Variants in C16orf74 observed in about 807,000 individuals in gnomAD.
The protein encoded by C16orf74 is calcimembrin.
Under a neutral mutation model 6.5 loss-of-function variants are expected in C16orf74, and 10 were observed. The ratio of observed to expected loss-of-function variants is 1.54; its 90% CI spans 0.95 to 2.61. The LOEUF (loss-of-function observed/expected upper bound fraction) is 2.61. Ranked by LOEUF, C16orf74 falls within the 30% of genes most tolerant of loss-of-function variation. The pLI is 0.00. For synonymous variants in C16orf74, 60 were observed against 42.5 expected, an observed-to-expected ratio of 1.41 and a Z score of -1.60; for missense variants, 141 against 105.9, an observed-to-expected ratio of 1.33 and a Z score of -1.45.
intron 2 of C16orf74, among the ~76,000 whole-genome samples, chr16:85,716,624 AGAG>A (rs146085962): frequency 2.1e-5 from 3 of 143,384 alleles, no homozygotes; most frequent in East Asian, 4.4e-4. Flanking sequence ...GAAGAGGAAG[AGAG>A]GAGGAGGAGG....
At chr16:85,744,242 A>AG (rs2054344553) in intron 1 of C16orf74, 1 of 149,630 alleles carries the variant, frequency 6.7e-6, no homozygotes, top group South Asian at 2.1e-4. Flanking sequence ...AAAAAAAAAA[A>AG]AAAAAGAAAA....
At chr16:85,745,096 C>A (rs2054358234) in intron 1 of C16orf74, among the ~76,000 whole-genome samples, 1 of 137,290 alleles carries the variant, frequency 7.3e-6, no homozygotes, top group South Asian at 2.3e-4. Context: ...AGCTGAGATT[C>A]CACCATTGCA....
chr16:85,716,384 G>A (rs2054023955), intron 2 of C16orf74, among the ~76,000 whole-genome samples: 1 of 145,138 alleles, frequency 6.9e-6, no homozygotes, highest in African/African-American at 2.6e-5. Context: ...GAGGAGAGAG[G>A]AGAGGAGGGA....
intron 2 of C16orf74, 80 bp from the exon 3 acceptor site, chr16:85,710,387 C>G (rs144813253): frequency 7.3e-7 from 1 of 1,365,282 alleles, no homozygotes; most frequent in East Asian, 3.1e-5. Context: ...GAACCGCGGG[C>G]GCCACCCTCC....
intron 3 of C16orf74, among the ~76,000 whole-genome samples, chr16:85,709,495 G>GTTATTATTATTATTATTATTA (rs57478569): frequency 4.1e-5 from 6 of 147,398 alleles, no homozygotes; most frequent in African/African-American, 7.6e-5. Context: ...CATCCCCAAT[G>GTTATTATTATTATTATTATTA]TTATTATTAT....
Position 85,714,788 on chromosome 16 carries a change from C to T in C16orf74, c.29-4481G>A, listed in dbSNP as rs572839775. ...AGGCCACCTCAGCCCAACAGAACTC[C>T]GAGCCCCTCAGCGGCACCCACACAG... On this transcript the variant is annotated intron_variant, in intron 2 of 3. Transcript: ENST00000284245. Among the ~76,000 whole-genome samples, 243 of 152,044 alleles carry T rather than the reference C, an allele frequency of 1.6e-3. 1 individual carries two copies. Among genetic ancestry groups the T allele is most frequent in the African/African-American group, 5.7e-3 (236 of 41,482 alleles).
chr16:85,724,841 C>G (rs442069), intron 2 of C16orf74, among the ~76,000 whole-genome samples: 64,536 of 152,066 alleles, frequency 0.42, 14,914 homozygotes, highest in African/African-American at 0.61. Flanking sequence ...CTACAGGGAT[C>G]AAAAAGACAG....
chr16:85,722,138 C>G (rs9308353), intron 2 of C16orf74, among the ~76,000 whole-genome samples: 1 of 151,864 alleles, frequency 6.6e-6, no homozygotes, highest in Non-Finnish European at 1.5e-5. Flanking sequence ...AGCTGGGATT[C>G]TAGGTGTGAG....
intron 2 of C16orf74, among the ~76,000 whole-genome samples, chr16:85,712,491 T>C (rs1363022774): frequency 6.6e-6 from 1 of 152,158 alleles, no homozygotes; most frequent in African/African-American, 2.4e-5. Flanking sequence ...CAGGGTAACC[T>C]TTGTTCACCC....
intron 1 of C16orf74, among the ~76,000 whole-genome samples, chr16:85,739,871 ATTAAG>A (rs1373591704): frequency 2.0e-5 from 3 of 152,176 alleles, no homozygotes; most frequent in African/African-American, 7.2e-5. Context: ...TGGGGTCAAT[ATTAAG>A]TTTTCTGATT....
chr16:85,735,558 C>G (rs553231695), intron 1 of C16orf74, among the ~76,000 whole-genome samples: 1 of 152,246 alleles, frequency 6.6e-6, no homozygotes, highest in South Asian at 2.1e-4. Flanking sequence ...GATGGGGAAC[C>G]GACACCACCA....
intron 2 of C16orf74, among the ~76,000 whole-genome samples, chr16:85,720,964 A>T (rs2054076669): frequency 6.6e-6 from 1 of 151,952 alleles, no homozygotes; most frequent in African/African-American, 2.4e-5. Context: ...GGTGGTGGGC[A>T]CCTGTAATCC....
chr16:85,745,910 G>C (rs1433038903), intron 1 of C16orf74, among the ~76,000 whole-genome samples: 1 of 152,082 alleles, frequency 6.6e-6, no homozygotes, highest in Non-Finnish European at 1.5e-5. Flanking sequence ...TCAGCTCTAG[G>C]CTATGAGATA....
chr16:85,707,719 G>A lies in C16orf74; in HGVS notation c.*289C>T. On this transcript the variant is annotated 3_prime_UTR_variant, in exon 4 of 4. Coordinates refer to ENST00000284245, the MANE Select transcript of C16orf74 (RefSeq NM_206967.3). ...TTTGTCCAGAAGAGAGCCTCTCCCT[G>A]GGACCCCAACAGCCAGGACCATGGC... 1 of 448,100 alleles carries A rather than the reference G, an allele frequency of 2.2e-6. No homozygotes were observed. The highest frequency in any genetic ancestry group is 4.0e-6 in the Non-Finnish European group (1 of 250,118). 27.8% of individuals were successfully genotyped at this position (448,100 alleles called of 1,614,324 possible). A position where few individuals can be genotyped will look rare whatever the true frequency, so the allele number is the denominator to read the frequency against.
intron 2 of C16orf74, among the ~76,000 whole-genome samples, chr16:85,717,416 T>A (rs2054036266): frequency 6.6e-6 from 1 of 152,184 alleles, no homozygotes; most frequent in Non-Finnish European, 1.5e-5. Context: ...TGGGAACCCC[T>A]GAGCTAGGGC....
intron 2 of C16orf74, among the ~76,000 whole-genome samples, chr16:85,725,674 G>T (rs925882819): frequency 8.5e-5 from 13 of 152,072 alleles, no homozygotes; most frequent in African/African-American, 2.9e-4. Context: ...GGCAATTTTG[G>T]CTCACTGCAA....
chr16:85,740,207 G>C (rs1341564798), intron 1 of C16orf74, among the ~76,000 whole-genome samples: 1 of 75,440 alleles, frequency 1.3e-5, no homozygotes, highest in East Asian at 3.2e-4. Flanking sequence ...ACGAGACTTT[G>C]TCTCAAAAAA....
chr16:85,746,847 C>T (rs408126), intron 1 of C16orf74, among the ~76,000 whole-genome samples: 59,673 of 152,188 alleles, frequency 0.39, 12,808 homozygotes, highest in Middle Eastern at 0.57. Context: ...AGGAAAGCCA[C>T]TTTCTTTCTG....
At chr16:85,736,645 G>C (rs988032877) in intron 1 of C16orf74, among the ~76,000 whole-genome samples, 3 of 152,126 alleles carry the variant, frequency 2.0e-5, no homozygotes, top group Non-Finnish European at 2.9e-5. Context: ...TCCAACTTAC[G>C]AGTGGTCTCT....
Sources: gnomAD v4.1 joint callset for allele counts (sites outside exome capture counted in the v4.1 genomes callset) on GRCh38, gnomAD v4.1.1 for gene constraint, MANE v1.5 for transcripts, NCBI Gene and HGNC (gene_info 2026-07-23, HGNC 2026-07-21) for gene names.